SCMH1: variants seen among roughly 807,000 people sequenced by gnomAD.
The protein encoded by SCMH1 is polycomb protein SCMH1.
A neutral mutation model predicts 70.8 loss-of-function variants in SCMH1; 37 were observed. The ratio of observed to expected loss-of-function variants is 0.52; its 90% CI spans 0.40 to 0.69. The LOEUF is 0.69. Ranked by LOEUF, SCMH1 falls within the 30% of genes least tolerant of loss-of-function variation. SCMH1 has a pLI of 0.00. For synonymous variants in SCMH1, 292 were observed against 307.4 expected (o/e 0.95, Z 0.52); for missense variants, 607 against 827.3 (o/e 0.73, Z 3.27).
At chr1:41,171,113 G>T (rs148151388) in intron 2 of SCMH1, among the ~76,000 whole-genome samples, 3 of 152,158 alleles carry the variant, frequency 2.0e-5, no homozygotes, top group Non-Finnish European at 1.5e-5. Flanking sequence ...CCAATCTGGC[G>T]ATGGCCACTG....
chr1:41,146,957 G>T (rs1011485884), intron 5 of SCMH1, among the ~76,000 whole-genome samples: 7 of 151,736 alleles, frequency 4.6e-5, no homozygotes, highest in Admixed American at 1.3e-4. Flanking sequence ...TAAATTTTTC[G>T]TATTTGTTAG....
chr1:41,028,157 C>G, exon 15 of SCMH1: 1 of 1,613,052 alleles, frequency 6.2e-7, no homozygotes, highest in Non-Finnish European at 8.5e-7. Context: ...ATGCCCCCAC[C>G]TGCTGCCACT....
intron 8 of SCMH1, among the ~76,000 whole-genome samples, chr1:41,089,817 A>T (rs1396824664): frequency 2.3e-4 from 5 of 21,886 alleles, no homozygotes; most frequent in Admixed American, 1.5e-3. Context: ...TTTGAGACAG[A>T]GTCTTGCTCT....
intron 8 of SCMH1, among the ~76,000 whole-genome samples, chr1:41,087,052 A>G (rs1661918538): frequency 6.6e-6 from 1 of 152,188 alleles, no homozygotes; most frequent in South Asian, 2.1e-4. Context: ...AGGCACACCA[A>G]TGGAATAGAA....
At chr1:41,046,735 T>C in intron 11 of SCMH1, 137 bp from the exon 12 acceptor site, 1 of 685,482 alleles carries the variant, frequency 1.5e-6, no homozygotes, top group Non-Finnish European at 2.6e-6. Context: ...GTTTCCTCCC[T>C]CCCTCCCTTT....
chr1:41,152,943 T>A (rs1214801176), intron 4 of SCMH1, among the ~76,000 whole-genome samples: 1 of 152,232 alleles, frequency 6.6e-6, no homozygotes, highest in Non-Finnish European at 1.5e-5. Flanking sequence ...TTAATCAACA[T>A]GACTAGACAG....
chr1:41,203,669 C>G (rs931501578), intron 1 of SCMH1, among the ~76,000 whole-genome samples: 5 of 152,198 alleles, frequency 3.3e-5, no homozygotes, highest in Admixed American at 3.3e-4. Flanking sequence ...CCTGGCCCAC[C>G]CAGGGCAGAA....
intron 1 of SCMH1, among the ~76,000 whole-genome samples, chr1:41,195,180 C>T (rs1183462780): frequency 7.2e-6 from 1 of 138,934 alleles, no homozygotes; most frequent in Non-Finnish European, 1.5e-5. Flanking sequence ...TAAATATTTG[C>T]AGCTTACCAG....
At chr1:41,224,592 A>G (rs755167021) in intron 1 of SCMH1, among the ~76,000 whole-genome samples, 3 of 152,230 alleles carry the variant, frequency 2.0e-5, no homozygotes, top group African/African-American at 7.2e-5. Context: ...TCAATCTACT[A>G]GACACTTTTT....
At chr1:41,092,600 A>T (rs1291949052) in intron 8 of SCMH1, among the ~76,000 whole-genome samples, 2 of 152,238 alleles carry the variant, frequency 1.3e-5, no homozygotes, top group Non-Finnish European at 2.9e-5. Context: ...ACAAAATGGG[A>T]GAAAATTTTT....
At chr1:41,229,221 T>C (rs1660848240) in intron 1 of SCMH1, among the ~76,000 whole-genome samples, 1 of 151,958 alleles carries the variant, frequency 6.6e-6, no homozygotes, top group Non-Finnish European at 1.5e-5. Flanking sequence ...AAAAGATTCA[T>C]TAATTCATTT....
At chr1:41,050,282 C>CG (rs1252661632) in intron 10 of SCMH1, among the ~76,000 whole-genome samples, 1 of 152,136 alleles carries the variant, frequency 6.6e-6, no homozygotes, top group Non-Finnish European at 1.5e-5. Context: ...ATTTGAGTAG[C>CG]GGGTACTATT....
At chr1:41,099,931 A>ATTAGTT in intron 8 of SCMH1, among the ~76,000 whole-genome samples, 2 of 152,342 alleles carry the variant, frequency 1.3e-5, no homozygotes, top group Middle Eastern at 3.4e-3. Context: ...AGAAAAGGTG[A>ATTAGTT]TTAGTTTAAT....
chr1:41,079,314 AAC>A (rs1659276994), intron 8 of SCMH1, among the ~76,000 whole-genome samples: 1 of 151,498 alleles, frequency 6.6e-6, no homozygotes, highest in African/African-American at 2.4e-5. Flanking sequence ...GATTAAGTAA[AAC>A]AGTCAGTAGG....
intron 2 of SCMH1, among the ~76,000 whole-genome samples, chr1:41,171,277 C>T (rs1359812176): frequency 1.3e-5 from 2 of 152,152 alleles, no homozygotes; most frequent in African/African-American, 4.8e-5. Context: ...CTGGAATAGA[C>T]ATTTACTCTG....
chr1:41,144,571 G>C (rs113148299), intron 5 of SCMH1, among the ~76,000 whole-genome samples: 23 of 152,140 alleles, frequency 1.5e-4, no homozygotes, highest in African/African-American at 5.3e-4. Context: ...AACATTTATG[G>C]TATATTTTTC....
chr1:41,031,841 T>C (rs1644569885), intron 13 of SCMH1, among the ~76,000 whole-genome samples: 1 of 152,198 alleles, frequency 6.6e-6, no homozygotes, highest in Non-Finnish European at 1.5e-5. Context: ...TACACACATA[T>C]ATATGATAGT....
chr1:41,235,600 A>G (rs1263334450), intron 1 of SCMH1, among the ~76,000 whole-genome samples: 1 of 150,558 alleles, frequency 6.6e-6, no homozygotes, highest in Non-Finnish European at 1.5e-5. Context: ...AAAAAAAGAA[A>G]AGTTCAGATA....
intron 6 of SCMH1, among the ~76,000 whole-genome samples, chr1:41,131,089 A>C (rs1437869212): frequency 6.6e-6 from 1 of 152,276 alleles, no homozygotes; most frequent in East Asian, 1.9e-4. Flanking sequence ...TATGGCATAG[A>C]GGTAGGGTCC....
Sources: gnomAD v4.1 joint callset for allele counts (sites outside exome capture counted in the v4.1 genomes callset) on GRCh38, gnomAD v4.1.1 for gene constraint, MANE v1.5 for transcripts, NCBI Gene and HGNC (gene_info 2026-07-23, HGNC 2026-07-21) for gene names.